Variants in RNF145 observed in about 807,000 individuals in gnomAD.
RNF145 encodes the protein ring finger protein 145.
In RNF145, 12 loss-of-function variants were observed where a neutral mutation model predicts 57.3. That is an observed-to-expected ratio of 0.21 (90% CI 0.13 to 0.34). RNF145 has a LOEUF of 0.34. Among genes scored for constraint, RNF145 ranks in the 10% least tolerant of loss-of-function variants. The pLI, the probability that RNF145 is intolerant of heterozygous loss-of-function variation, is 1.00. For synonymous variants in RNF145, 262 were observed against 288.3 expected (o/e 0.91, Z 0.92); for missense variants, 429 against 799.0 (o/e 0.54, Z 5.58).
At chr5:159,191,652 C>T (rs917728038) in intron 3 of RNF145, among the ~76,000 whole-genome samples, 3 of 152,010 alleles carry the variant, frequency 2.0e-5, no homozygotes, top group Non-Finnish European at 2.9e-5. Flanking sequence ...ATTAGCTGGG[C>T]ATGGTGGCGC....
At chr5:159,208,223 C>G in intron 1 of RNF145, 1 of 1,221,552 alleles carries the variant, frequency 8.2e-7, no homozygotes, top group Non-Finnish European at 1.1e-6. Context: ...GCAGCAGCAA[C>G]CGGGCCGCCG....
At chr5:159,183,032 C>T (rs144253404) in intron 3 of RNF145, among the ~76,000 whole-genome samples, 1,639 of 152,228 alleles carry the variant, frequency 0.011, 30 homozygotes, top group African/African-American at 0.038. Context: ...GAAAGACCCT[C>T]ACACAATCAG....
At chr5:159,171,155 A>T (rs979174845) in intron 6 of RNF145, among the ~76,000 whole-genome samples, 9 of 152,226 alleles carry the variant, frequency 5.9e-5, no homozygotes, top group African/African-American at 2.2e-4. Context: ...GGTGGCTAAT[A>T]ACTAGAAAAA....
chr5:159,178,217 C>T (rs1447474341), intron 4 of RNF145, among the ~76,000 whole-genome samples: 1 of 151,902 alleles, frequency 6.6e-6, no homozygotes, highest in East Asian at 1.9e-4. Context: ...AAAATTAATA[C>T]ATTTGATTTA....
chr5:159,209,614 C>G, upstream of RNF145: 1 of 1,074,824 alleles, frequency 9.3e-7, no homozygotes, highest in East Asian at 4.6e-5. Context: ...GCGCGGCGCG[C>G]CCCTCCCGCG....
chr5:159,171,600 C>A (rs1784561733), intron 6 of RNF145, among the ~76,000 whole-genome samples: 1 of 152,018 alleles, frequency 6.6e-6, no homozygotes, highest in Non-Finnish European at 1.5e-5. Context: ...TTCAGTAACT[C>A]ATTTTTATTA....
intron 6 of RNF145, among the ~76,000 whole-genome samples, chr5:159,171,744 A>C (rs1294907315): frequency 6.6e-6 from 1 of 152,148 alleles, no homozygotes; most frequent in East Asian, 1.9e-4. Flanking sequence ...TCTTTTTCTA[A>C]ATAAGTTGTT....
chr5:159,206,849 T>C (rs776852051), intron 1 of RNF145, among the ~76,000 whole-genome samples: 7 of 152,162 alleles, frequency 4.6e-5, no homozygotes, highest in Non-Finnish European at 7.4e-5. Flanking sequence ...AATGTCCTCC[T>C]TGAACTTTGA....
intron 8 of RNF145, among the ~76,000 whole-genome samples, chr5:159,164,585 A>C (rs985465511): frequency 2.6e-5 from 4 of 152,196 alleles, no homozygotes; most frequent in Admixed American, 2.6e-4. Context: ...ACATAGACAC[A>C]CATATATGTC....
chr5:159,171,375 G>C (rs898382581), intron 6 of RNF145, among the ~76,000 whole-genome samples: 1 of 151,794 alleles, frequency 6.6e-6, no homozygotes, highest in African/African-American at 2.4e-5. Context: ...TATTTTTACG[G>C]ACCTTTCTCC....
chr5:159,179,463 AGTTT>A (rs1213298873), intron 4 of RNF145, among the ~76,000 whole-genome samples: 1 of 152,090 alleles, frequency 6.6e-6, no homozygotes, highest in Non-Finnish European at 1.5e-5. Context: ...TTTTCAAAAA[AGTTT>A]GTTACTGAAA....
At chr5:159,161,015 C>T in intron 10 of RNF145, 1 of 364,300 alleles carries the variant, frequency 2.7e-6, no homozygotes, top group Admixed American at 4.4e-5. Flanking sequence ...CCTGTTTTTC[C>T]TTTATTTATG....
intron 3 of RNF145, among the ~76,000 whole-genome samples, chr5:159,188,463 AC>A (rs1785167582): frequency 2.6e-5 from 4 of 151,642 alleles, no homozygotes; most frequent in Admixed American, 2.0e-4. Flanking sequence ...ATGTGACCAC[AC>A]CCTCACAGGA....
intron 2 of RNF145, among the ~76,000 whole-genome samples, chr5:159,201,301 C>G (rs923010822): frequency 1.3e-5 from 2 of 152,180 alleles, no homozygotes; most frequent in East Asian, 1.9e-4. Context: ...CACCGACGGA[C>G]CACTGTACTC....
intron 6 of RNF145, among the ~76,000 whole-genome samples, chr5:159,171,559 A>G (rs1784560580): frequency 6.6e-6 from 1 of 152,140 alleles, no homozygotes; most frequent in Non-Finnish European, 1.5e-5. Context: ...AGTTTGGAAA[A>G]TTTATAAAGT....
chr5:159,197,119 T>C (rs932342984), intron 2 of RNF145, among the ~76,000 whole-genome samples: 11 of 152,216 alleles, frequency 7.2e-5, no homozygotes, highest in African/African-American at 2.2e-4. Context: ...ATTGATGCTA[T>C]AATAAATGAA....
At chr5:159,169,653 T>C in intron 7 of RNF145, 26 bp downstream of exon 7, 2 of 1,532,802 alleles carry the variant, frequency 1.3e-6, no homozygotes, top group Non-Finnish European at 1.8e-6. Context: ...TTTACATTTC[T>C]AGATATAATC....
At chr5:159,184,837 T>C (rs1785007327) in intron 3 of RNF145, among the ~76,000 whole-genome samples, 1 of 152,220 alleles carries the variant, frequency 6.6e-6, no homozygotes, top group Non-Finnish European at 1.5e-5. Context: ...CATTATTTTC[T>C]TTTTAATTAT....
chr5:159,202,610 C>A (rs950490383), intron 2 of RNF145, among the ~76,000 whole-genome samples: 1 of 152,110 alleles, frequency 6.6e-6, no homozygotes, highest in South Asian at 2.1e-4. Flanking sequence ...GACAACTCTT[C>A]ATGACTTTAT....
Sources: gnomAD v4.1 joint callset for allele counts (sites outside exome capture counted in the v4.1 genomes callset) on GRCh38, gnomAD v4.1.1 for gene constraint, MANE v1.5 for transcripts, NCBI Gene and HGNC (gene_info 2026-07-23, HGNC 2026-07-21) for gene names.